The following KIF27 variants were observed in gnomAD, a reference collection of about 807,000 sequenced individuals.
KIF27 encodes the protein kinesin-like protein KIF27.
In KIF27, 84 loss-of-function variants were observed where a neutral mutation model predicts 141.8. The ratio of observed to expected loss-of-function variants is 0.59; its 90% confidence interval spans 0.50 to 0.71. The LOEUF is 0.71. Ranked by LOEUF, KIF27 falls within the 30% of genes least tolerant of loss-of-function variation. KIF27 has a pLI of 0.00. For synonymous variants in KIF27, 471 were observed against 569.5 expected (o/e 0.83, Z 2.46); for missense variants, 1,306 against 1,628.4 (o/e 0.80, Z 3.41).
chr9:83,838,465 C>T (rs531551773), intron 17 of KIF27, among the ~76,000 whole-genome samples: 42 of 152,266 alleles, frequency 2.8e-4, no homozygotes, highest in Non-Finnish European at 4.4e-4. Flanking sequence ...GATCTCCTGA[C>T]CTCAGGTGAT....
At chr9:83,916,512 A>G (rs1955696053) in intron 1 of KIF27, among the ~76,000 whole-genome samples, 1 of 152,150 alleles carries the variant, frequency 6.6e-6, no homozygotes, top group Non-Finnish European at 1.5e-5. Context: ...CTAACAGAAA[A>G]ACTGCTTTTT....
chr9:83,870,711 T>C (rs532226218), intron 11 of KIF27, 79 bp from the exon 12 acceptor site: 2,587 of 1,207,096 alleles, frequency 2.1e-3, no homozygotes, highest in African/African-American at 3.6e-3. Context: ...TATTTTCTTT[T>C]TTTTTTTTTT....
At chr9:83,891,155 G>A in intron 6 of KIF27, 140 bp downstream of exon 6, 1 of 602,252 alleles carries the variant, frequency 1.7e-6, no homozygotes, top group Non-Finnish European at 2.9e-6. Flanking sequence ...AAAGAAGTAT[G>A]CTTAAAAGAA....
intron 10 of KIF27, among the ~76,000 whole-genome samples, chr9:83,882,967 C>T (rs1951801670): frequency 6.6e-6 from 1 of 152,072 alleles, no homozygotes; most frequent in African/African-American, 2.4e-5. Context: ...AGGGACTTTT[C>T]AGGCCTGTCA....
intron 16 of KIF27, among the ~76,000 whole-genome samples, chr9:83,843,543 TTTAAA>T (rs1249596950): frequency 6.6e-6 from 1 of 152,204 alleles, no homozygotes; most frequent in Non-Finnish European, 1.5e-5. Flanking sequence ...ATTTGTATAT[TTTAAA>T]TTAGTCCATC....
chr9:83,920,871 G>A (rs552154562), intron 1 of KIF27, among the ~76,000 whole-genome samples: 1 of 151,532 alleles, frequency 6.6e-6, no homozygotes, highest in Admixed American at 6.6e-5. Context: ...GGTGGGAAAT[G>A]CGCCCAAGTT....
chr9:83,842,537 C>T lies in KIF27; in HGVS notation c.3557-136G>A, dbSNP rs1054839933. ...GAGTGCAGTGGCGTGATATGCTCGG[C>T]TCACTGTAAGCTCCGCCTCCCAGGT... On this transcript the variant is annotated intron_variant, in intron 16 of 17. Transcript: ENST00000297814. The T allele has an allele frequency of 3.4e-6, 4 of 1,160,466 alleles. No individual in the cohort carries two copies. The African/African-American group carries it at 6.5e-5, about 19-fold the overall frequency. 71.9% of individuals were successfully genotyped at this position (1,160,466 alleles called of 1,614,324 possible).
chr9:83,861,343 C>A (rs201187023), intron 13 of KIF27, among the ~76,000 whole-genome samples: 2 of 151,606 alleles, frequency 1.3e-5, no homozygotes, highest in East Asian at 1.9e-4. Context: ...CCCCACCCCA[C>A]AACAGGCCCC....
At chr9:83,871,628 T>C (rs889566756) in intron 11 of KIF27, among the ~76,000 whole-genome samples, 2 of 151,916 alleles carry the variant, frequency 1.3e-5, no homozygotes, top group Non-Finnish European at 2.9e-5. Context: ...AATATGAGAA[T>C]AGACTTGGAA....
chr9:83,868,726 G>C (rs916459383), intron 12 of KIF27, among the ~76,000 whole-genome samples: 2 of 151,788 alleles, frequency 1.3e-5, no homozygotes, highest in Non-Finnish European at 2.9e-5. Flanking sequence ...TTATAGAAAG[G>C]GTTTCTGGAA....
intron 13 of KIF27, chr9:83,859,591 G>C: frequency 2.0e-6 from 1 of 495,444 alleles, no homozygotes; most frequent in East Asian, 3.6e-5. Flanking sequence ...GAGTGCAATG[G>C]TGCAACCTCA....
At chr9:83,887,771 A>G (rs1175100122) in intron 8 of KIF27, among the ~76,000 whole-genome samples, 1 of 151,980 alleles carries the variant, frequency 6.6e-6, no homozygotes, top group Non-Finnish European at 1.5e-5. Context: ...GAGCAGTAAC[A>G]AACAGCTCAA....
chr9:83,853,059 A>G (rs566051804), intron 15 of KIF27, among the ~76,000 whole-genome samples: 2 of 152,368 alleles, frequency 1.3e-5, no homozygotes, highest in South Asian at 4.1e-4. Context: ...AAAGACAGAT[A>G]TAGTTCTCAA....
chr9:83,904,453 C>T (rs62563551), intron 3 of KIF27, among the ~76,000 whole-genome samples: 26,592 of 152,132 alleles, frequency 0.17, 2,899 homozygotes, highest in Non-Finnish European at 0.24. Context: ...TCACTGCAAC[C>T]TCTACCTCGG....
At chr9:83,873,915 G>C (rs1950999804) in intron 11 of KIF27, among the ~76,000 whole-genome samples, 1 of 152,066 alleles carries the variant, frequency 6.6e-6, no homozygotes, top group Non-Finnish European at 1.5e-5. Flanking sequence ...AGCCGGGTGT[G>C]GTGGCAAGTG....
intron 16 of KIF27, chr9:83,849,248 G>T (rs1256481884): frequency 6.6e-6 from 1 of 152,192 alleles, no homozygotes; most frequent in East Asian, 1.9e-4. Context: ...AATGATGTGT[G>T]AGATCTTGCC....
chr9:83,887,325 G>A (rs1952198599), intron 8 of KIF27, 129 bp from the exon 9 acceptor site: 2 of 552,170 alleles, frequency 3.6e-6, no homozygotes, highest in Non-Finnish European at 5.9e-6. Context: ...AGGAAGGGGA[G>A]GAAAAAGGGG....
At position 83,888,595 on chromosome 9, in the gene KIF27, T is replaced by TA. The variant is rs772238541; in HGVS notation, c.1980-4dup. The TA allele has an allele frequency of 1.1e-3, 1,698 of 1,484,056 alleles. No individual in the cohort carries two copies. The highest frequency in any genetic ancestry group is 1.7e-3 in the South Asian group (133 of 80,402). The allele number at this position is 1,484,056 out of a possible 1,614,324, so 91.9% of individuals were successfully genotyped here. A position where few individuals can be genotyped will look rare whatever the true frequency, so the allele number is the denominator to read the frequency against. On this transcript the variant is annotated splice_region_variant and splice_polypyrimidine_tract_variant and intron_variant, in intron 7 of 17. Transcript: ENST00000297814. The stretch of plus-strand genomic sequence containing the variant: ...GAATCCATGAACGACTTCTACATCT[T>TA]AAAAAAAAATCAGAAAGTTAACTTA...
intron 6 of KIF27, 151 bp downstream of exon 6, chr9:83,891,144 G>T (rs567551637): frequency 8.7e-6 from 5 of 572,560 alleles, no homozygotes; most frequent in Non-Finnish European, 1.5e-5. Context: ...TTTTTTATTA[G>T]AAAGAAGTAT....
Sources: gnomAD v4.1 joint callset for allele counts (sites outside exome capture counted in the v4.1 genomes callset) on GRCh38, gnomAD v4.1.1 for gene constraint, MANE v1.5 for transcripts, NCBI Gene and HGNC (gene_info 2026-07-23, HGNC 2026-07-21) for gene names.